The following PKHD1L1 variants were observed in gnomAD, a reference collection of about 807,000 sequenced individuals.
PKHD1L1 encodes PKHD1 like 1, also known as fibrocystin-L.
PKHD1L1 carries 434 observed loss-of-function variants against 462.9 expected under a neutral mutation model. That is an observed-to-expected ratio of 0.94 (90% CI 0.87 to 1.02). The LOEUF is 1.02. PKHD1L1 is among the 50% of genes least tolerant of loss of function. The pLI is 0.00. For missense variants in PKHD1L1, 5,202 were observed against 5,096.1 expected, an observed-to-expected ratio of 1.02 and a Z score of -0.63; for synonymous variants, 1,781 against 1,750.0, an observed-to-expected ratio of 1.02 and a Z score of -0.44.
intron 8 of PKHD1L1, among the ~76,000 whole-genome samples, chr8:109,389,509 TGTG>T (rs1476079448): frequency 6.0e-5 from 4 of 66,424 alleles, no homozygotes; most frequent in Admixed American, 4.7e-4. Context: ...AGTGTGTGTG[TGTG>T]TGTGTGTGTG....
intron 29 of PKHD1L1, among the ~76,000 whole-genome samples, chr8:109,435,662 A>G (rs564075899): frequency 6.6e-6 from 1 of 152,356 alleles, no homozygotes; most frequent in African/African-American, 2.4e-5. Flanking sequence ...TATTCTGCTT[A>G]CCAGCTGCTT....
At chr8:109,393,633 TG>T (rs1812812835) in intron 9 of PKHD1L1, among the ~76,000 whole-genome samples, 1 of 152,178 alleles carries the variant, frequency 6.6e-6, no homozygotes, top group South Asian at 2.1e-4. Flanking sequence ...TCAAACTGCC[TG>T]GGTCCAGTTC....
rs1307840146 is a variant in PKHD1L1 at position 109,461,752 on chromosome 8, C to G, written c.7247-20C>G. On this transcript the variant is annotated intron_variant, in intron 47 of 77. Transcript: ENST00000378402. Reference sequence around the variant, plus strand: ...GATTCCGACAATTTTTTTAATGATGCTTTAAAAACTGTTTTGAAGGAGAAT... The same window carrying G: ...GATTCCGACAATTTTTTTAATGATGGTTTAAAAACTGTTTTGAAGGAGAAT... 1 of 1,592,048 alleles carries G rather than the reference C, an allele frequency of 6.3e-7. No individual in the cohort carries two copies. The highest frequency in any genetic ancestry group is 1.3e-5 in the African/African-American group (1 of 74,140).
chr8:109,503,354 A>C (rs1337790332), intron 67 of PKHD1L1, among the ~76,000 whole-genome samples: 1 of 152,106 alleles, frequency 6.6e-6, no homozygotes, highest in Admixed American at 6.5e-5. Flanking sequence ...GGTGGTTTGC[A>C]GCCAATACTT....
Position 109,508,227 on chromosome 8 carries a change from G to A in PKHD1L1, c.11358G>A (p.Val3786=). The A allele has an allele frequency of 1.9e-6, 3 of 1,612,282 alleles. No individual in the cohort carries two copies. Among genetic ancestry groups the A allele is most frequent in the Non-Finnish European group, 2.5e-6 (3 of 1,179,168 alleles). ...CAGAAACTCGAAGACTTTCCCCAGT[G>A]GCTATAATGGGCAACGGTTATGTTG... ...PDTETRRLSP[V]AIMGNGYVDL... Residue 3786 remains valine (V), a synonymous_variant, in exon 70 of 78, where the codon GTG becomes GTA. Coordinates refer to ENST00000378402, the MANE Select transcript of PKHD1L1 (RefSeq NM_177531.6).
chr8:109,468,566 C>A (rs1817563687), intron 50 of PKHD1L1, among the ~76,000 whole-genome samples: 1 of 152,106 alleles, frequency 6.6e-6, no homozygotes, highest in East Asian at 1.9e-4. Flanking sequence ...ATACTCAAAC[C>A]AGATTTTATA....
intron 50 of PKHD1L1, among the ~76,000 whole-genome samples, chr8:109,467,935 C>G (rs988439576): frequency 9.2e-5 from 14 of 152,090 alleles, no homozygotes; most frequent in South Asian, 2.1e-4. Flanking sequence ...ATAACAGAAT[C>G]CAAGTGCACT....
At chr8:109,517,452 G>T (rs906353236) in intron 72 of PKHD1L1, among the ~76,000 whole-genome samples, 2 of 152,104 alleles carry the variant, frequency 1.3e-5, no homozygotes, top group Non-Finnish European at 2.9e-5. Context: ...ACAATTCAGT[G>T]TTTGTCTGGG....
intron 11 of PKHD1L1, among the ~76,000 whole-genome samples, chr8:109,397,959 C>G (rs552869543): frequency 6.6e-6 from 1 of 152,126 alleles, no homozygotes; most frequent in South Asian, 2.1e-4. Context: ...AGCCTTTTTT[C>G]CTGTTTTGGT....
chr8:109,514,791 C>T (rs1024323121), intron 71 of PKHD1L1, among the ~76,000 whole-genome samples: 3 of 151,984 alleles, frequency 2.0e-5, no homozygotes, highest in Admixed American at 6.6e-5. Context: ...TTTTTTCCAA[C>T]GTTAAGTACC....
chr8:109,476,799 A>C (rs917476370), intron 52 of PKHD1L1, 132 bp downstream of exon 52: 14 of 774,272 alleles, frequency 1.8e-5, no homozygotes, highest in Non-Finnish European at 2.7e-5. Flanking sequence ...GCTGAATGGA[A>C]AAACTGGAGA....
At position 109,404,688 on chromosome 8, in the gene PKHD1L1, A is replaced by G. The variant is rs1813440989; in HGVS notation, c.1508A>G (p.Gln503Arg). 19 of 1,606,326 alleles carry G rather than the reference A, an allele frequency of 1.2e-5. No homozygotes were observed. Among genetic ancestry groups the G allele is most frequent in the Non-Finnish European group, 1.6e-5 (19 of 1,176,220 alleles). ...AVNEEQVIKS[Q>R]STILQEVQVI... Reference sequence around the variant, plus strand: ...AATGAAGAACAAGTTATCAAATCCCAGTCGACAATCCTCCAGGAAGTACAG... The same window carrying G: ...AATGAAGAACAAGTTATCAAATCCCGGTCGACAATCCTCCAGGAAGTACAG... Residue 503 changes from glutamine to arginine, a missense_variant, in exon 15 of 78, where the codon CAG (glutamine) becomes CGG (arginine). Physicochemically the swap from Gln to Arg is conservative, Grantham distance 43. Coordinates refer to ENST00000378402, the MANE Select transcript of PKHD1L1 (RefSeq NM_177531.6).
At chr8:109,513,536 GAGTTTAACC>G (rs1416741517) in intron 71 of PKHD1L1, among the ~76,000 whole-genome samples, 1 of 152,084 alleles carries the variant, frequency 6.6e-6, no homozygotes, top group Non-Finnish European at 1.5e-5. Flanking sequence ...AAAAGAGTAT[GAGTTTAACC>G]AGTAGTGTCA....
chr8:109,506,228 C>T (rs1819682042), intron 68 of PKHD1L1, among the ~76,000 whole-genome samples: 1 of 152,102 alleles, frequency 6.6e-6, no homozygotes, highest in South Asian at 2.1e-4. Context: ...TGTACCCAGC[C>T]CCCAAATGTT....
At chr8:109,475,517 T>A in intron 51 of PKHD1L1, among the ~76,000 whole-genome samples, 1 of 152,262 alleles carries the variant, frequency 6.6e-6, no homozygotes, top group East Asian at 1.9e-4. Context: ...CCCCTGTCAT[T>A]ATTACCATGA....
chr8:109,466,444 A>T, intron 49 of PKHD1L1, 134 bp from the exon 50 acceptor site: 1 of 867,468 alleles, frequency 1.2e-6, no homozygotes, highest in Non-Finnish European at 1.7e-6. Context: ...CCATGCAAAC[A>T]AGCAAACAAA....
intron 70 of PKHD1L1, among the ~76,000 whole-genome samples, chr8:109,509,022 G>A (rs564721418): frequency 1.6e-4 from 24 of 152,264 alleles, no homozygotes; most frequent in African/African-American, 5.8e-4. Context: ...GATCTTTCAT[G>A]TGCTGAAAGT....
chr8:109,362,645 C>T lies in PKHD1L1; in HGVS notation c.65C>T (p.Pro22Leu). 1 of 1,602,920 alleles carries T rather than the reference C, an allele frequency of 6.2e-7. No homozygotes were observed. Among genetic ancestry groups the T allele is most frequent in the Non-Finnish European group, 8.5e-7 (1 of 1,174,744 alleles). The change falls in exon 1 of 78, where the codon CCC becomes CTC. Residue 22 changes from proline to leucine, a missense_variant. Coordinates refer to ENST00000378402, the MANE Select transcript of PKHD1L1 (RefSeq NM_177531.6). Reference protein sequence around the residue: ...LCGLLLCAADPSTDGSQIIPK... With the variant: ...LCGLLLCAADLSTDGSQIIPK... ...GGGCTGCTCCTGTGTGCCGCGGATC[C>T]CAGCACAGGTAACCCTTTGGGCACG...
intron 42 of PKHD1L1, 84 bp downstream of exon 42, chr8:109,452,364 C>G (rs1816574385): frequency 1.6e-6 from 2 of 1,227,630 alleles, no homozygotes; most frequent in African/African-American, 1.5e-5. Flanking sequence ...TGTTGTTTTA[C>G]TTTAATGTCT....
Sources: allele counts gnomAD v4.1 joint callset (sites outside exome capture counted in the v4.1 genomes callset), GRCh38; gene constraint gnomAD v4.1.1; transcripts MANE v1.5; gene names NCBI Gene and HGNC (gene_info 2026-07-23, HGNC 2026-07-21).